Variants in GRK5 observed in about 807,000 individuals in gnomAD.
GRK5 encodes g protein-coupled receptor kinase GRK5.
In GRK5, 40 loss-of-function variants were observed where a neutral mutation model predicts 78.4. The observed-to-expected ratio is 0.51, with a 90% CI of 0.40 to 0.66. The LOEUF is 0.66. Among genes scored for constraint, GRK5 ranks in the 30% least tolerant of loss-of-function variants. GRK5 has a pLI of 0.00. For missense variants in GRK5, 598 were observed against 759.9 expected, an observed-to-expected ratio of 0.79 and a Z score of 2.50; for synonymous variants, 289 against 296.8, an observed-to-expected ratio of 0.97 and a Z score of 0.27.
At chr10:119,427,684 C>G (rs1201100781) in intron 6 of GRK5, among the ~76,000 whole-genome samples, 2 of 133,790 alleles carry the variant, frequency 1.5e-5, no homozygotes, top group Admixed American at 1.5e-4. Flanking sequence ...TTATCAATAT[C>G]CCAGTGCCAT....
chr10:119,364,989 A>G (rs884970), intron 2 of GRK5, among the ~76,000 whole-genome samples: 71,021 of 151,954 alleles, frequency 0.47, 17,663 homozygotes, highest in Middle Eastern at 0.58. Flanking sequence ...GTGCTGAGTA[A>G]CTGAGGAGCT....
intron 1 of GRK5, among the ~76,000 whole-genome samples, chr10:119,225,123 G>A (rs1848714085): frequency 6.6e-6 from 1 of 152,170 alleles, no homozygotes; most frequent in Non-Finnish European, 1.5e-5. Context: ...AAAAAAACCC[G>A]CCACTGCTAA....
chr10:119,242,544 G>A (rs1849043228), intron 1 of GRK5, among the ~76,000 whole-genome samples: 1 of 149,272 alleles, frequency 6.7e-6, no homozygotes, highest in Non-Finnish European at 1.5e-5. Context: ...TGCTGCACAC[G>A]AGATACACCA....
chr10:119,431,401 G>A lies in GRK5; in HGVS notation c.612G>A (p.Gln204=). 6.2e-7 allele frequency: 1 copy of A among 1,613,742 alleles called. No individual in the cohort carries two copies. Residue 204 remains glutamine, a synonymous_variant, in exon 8 of 16, where the codon CAG becomes CAA. Transcript: ENST00000392870. This position sits in a 1 kb window ranked among gnomAD's most constrained non-coding sequence, Gnocchi z 4.8. ...TTGCACTGCAGGTCTGTGCCTGCCA[G>A]GTTCGGGCCACGGGTAAAATGTATG... The part of the protein sequence containing the change: ...KGGFGEVCAC[Q]VRATGKMYAC...
At chr10:119,371,312 C>T (rs898953658) in intron 2 of GRK5, among the ~76,000 whole-genome samples, 6 of 152,226 alleles carry the variant, frequency 3.9e-5, no homozygotes, top group Non-Finnish European at 7.3e-5. Flanking sequence ...GAAGCTGGGC[C>T]GCCCTCACTG....
chr10:119,412,392 C>T lies in GRK5; in HGVS notation c.340-10774C>T, dbSNP rs1589796005. 6.6e-6 allele frequency among the ~76,000 whole-genome samples: 1 copy of T among 152,192 alleles called. No homozygotes were observed. Among genetic ancestry groups the T allele is most frequent in the Admixed American group, 6.5e-5 (1 of 15,276 alleles). ...ACACCCCGGTGAAGAGCTGGGCGTGCTTGGGCCGAGGGCTGCTGGATGTTG... is the reference window on the plus strand; with the variant it reads ...ACACCCCGGTGAAGAGCTGGGCGTGTTTGGGCCGAGGGCTGCTGGATGTTG... On this transcript the variant is annotated intron_variant, in intron 4 of 15. Transcript: ENST00000392870. The surrounding 1 kb of genome is among the most constrained non-coding windows in gnomAD (Gnocchi z 4.3).
intron 4 of GRK5, among the ~76,000 whole-genome samples, chr10:119,410,330 C>T (rs773023925): frequency 6.6e-6 from 1 of 152,170 alleles, no homozygotes; most frequent in Non-Finnish European, 1.5e-5. Context: ...CCTCGCTTCC[C>T]GACCCCTAAG....
intron 2 of GRK5, among the ~76,000 whole-genome samples, chr10:119,350,551 C>T (rs1013521503): frequency 1.3e-5 from 2 of 152,352 alleles, no homozygotes; most frequent in African/African-American, 2.4e-5. Flanking sequence ...TCTTGCTTTG[C>T]GTTTCCCGAT....
intron 13 of GRK5, among the ~76,000 whole-genome samples, chr10:119,449,379 T>C (rs762026747): frequency 1.3e-5 from 2 of 152,194 alleles, no homozygotes; most frequent in Non-Finnish European, 1.5e-5. Context: ...AGAAGGTGGC[T>C]TGGGAAGCTG....
At chr10:119,261,280 C>CTGCAATCTCA (rs1178798185) in intron 1 of GRK5, among the ~76,000 whole-genome samples, 2 of 147,862 alleles carry the variant, frequency 1.4e-5, no homozygotes, top group East Asian at 2.0e-4. Flanking sequence ...CGGGCAGAGG[C>CTGCAATCTCA]GCTCCTCACA....
At chr10:119,221,463 A>G (rs1463398702) in intron 1 of GRK5, among the ~76,000 whole-genome samples, 1 of 152,198 alleles carries the variant, frequency 6.6e-6, no homozygotes, top group African/African-American at 2.4e-5. Context: ...TGGAAGCTGA[A>G]TGCTGTTTCA....
rs139795534 is a variant in GRK5, at chr10:119,287,666, A to G, written c.53-38850A>G. ...AGCTCAACTGATATCTCACCTCTTA[A>G]ATTGTTTTGGCCTTCCTCTGGCAAA... On this transcript the variant is annotated intron_variant, in intron 1 of 15. Transcript: ENST00000392870. Among the ~76,000 whole-genome samples the G allele has an allele frequency of 1.0e-3, 159 of 152,036 alleles. 1 individual carries two copies. The highest frequency in any genetic ancestry group is 3.8e-3 in the African/African-American group (157 of 41,466).
At chr10:119,405,022 A>G (rs1349194967) in intron 4 of GRK5, among the ~76,000 whole-genome samples, 2 of 152,172 alleles carry the variant, frequency 1.3e-5, no homozygotes, top group African/African-American at 2.4e-5. Flanking sequence ...TGGGCCGGTG[A>G]GCAACAGTGC....
In GRK5 at chr10:119,207,606, C is replaced by A. The variant is rs765343773; in HGVS notation, c.-312C>A. 2.8e-3 allele frequency: 853 copies of A among 303,880 alleles called. 3 individuals are homozygous for A. The highest frequency in any genetic ancestry group is 3.7e-3 in the Non-Finnish European group (610 of 165,114). The allele number at this position is 303,880 out of a possible 1,614,324, so 18.8% of individuals were successfully genotyped here. A position where few individuals can be genotyped will look rare whatever the true frequency, so the allele number is the denominator to read the frequency against. On this transcript the variant is annotated 5_prime_UTR_variant, in exon 1 of 16. Transcript: ENST00000392870. Reference sequence around the variant, plus strand: ...GAGGCATTAAAGCATCCGAGGGAGCCGGAGGGGAGGAGAATGGAGTGACAG... The same window carrying A: ...GAGGCATTAAAGCATCCGAGGGAGCAGGAGGGGAGGAGAATGGAGTGACAG...
At position 119,235,828 on chromosome 10, in the gene GRK5, G is replaced by A. The variant is rs1371377280; in HGVS notation, c.52+27859G>A. ...TCTGTAGACAATAGGTGCTCAATAA[G>A]TACTTTGTGTAAATGGTGACTTTAG... On this transcript the variant is annotated intron_variant, in intron 1 of 15. Transcript: ENST00000392870. 2.0e-5 allele frequency among the ~76,000 whole-genome samples: 3 copies of A among 152,174 alleles called. No homozygotes were observed. The East Asian group carries it at 5.8e-4, about 29-fold the overall frequency.
chr10:119,386,225 C>T (rs552371660), intron 3 of GRK5, among the ~76,000 whole-genome samples: 56 of 152,096 alleles, frequency 3.7e-4, no homozygotes, highest in Admixed American at 5.2e-4. Flanking sequence ...TTTAGAGAGC[C>T]CTGGGCTGGA....
chr10:119,261,541 G>A, intron 1 of GRK5, among the ~76,000 whole-genome samples: 1 of 152,064 alleles, frequency 6.6e-6, no homozygotes, highest in Non-Finnish European at 1.5e-5. Flanking sequence ...GGGAGGCCAA[G>A]GCAGGCGGCT....
intron 1 of GRK5, among the ~76,000 whole-genome samples, chr10:119,249,112 T>C (rs578034054): frequency 2.4e-4 from 37 of 152,008 alleles, no homozygotes; most frequent in South Asian, 1.0e-3. Flanking sequence ...TTACTAAATA[T>C]ACAAAAAAAT....
chr10:119,333,955 G>T, intron 2 of GRK5: 1 of 441,084 alleles, frequency 2.3e-6, no homozygotes, highest in Non-Finnish European at 4.5e-6. Context: ...CTGGCTTAAA[G>T]GATCTCTCTG....
Sources: allele counts gnomAD v4.1 joint callset (sites outside exome capture counted in the v4.1 genomes callset), GRCh38; gene constraint gnomAD v4.1.1; non-coding constraint Gnocchi (gnomAD v3.1); transcripts MANE v1.5; gene names NCBI Gene and HGNC (gene_info 2026-07-23, HGNC 2026-07-21).